The following CERK variants were observed in gnomAD, a reference collection of about 807,000 sequenced individuals.
The protein encoded by CERK is ceramide kinase, also known as acylsphingosine kinase.
CERK carries 39 observed loss-of-function variants against 63.4 expected under a neutral mutation model. The observed-to-expected ratio is 0.61, with a 90% confidence interval of 0.48 to 0.80. The LOEUF (loss-of-function observed/expected upper bound fraction) is 0.80. Ranked by LOEUF, CERK falls within the 30% of genes least tolerant of loss-of-function variation. The probability of loss-of-function intolerance (pLI) is 0.00; values close to 1 mark genes in which losing one functional copy is unlikely to be tolerated. For synonymous variants in CERK, 302 were observed against 280.0 expected (o/e 1.08, Z -0.78); for missense variants, 670 against 714.1 (o/e 0.94, Z 0.70).
At chr22:46,707,793 T>C (rs1270796212) in intron 6 of CERK, 50 bp downstream of exon 6, 2 of 1,560,956 alleles carry the variant, frequency 1.3e-6, no homozygotes, top group Non-Finnish European at 1.7e-6. Flanking sequence ...GCAGAACAAT[T>C]CCTAAGGACG....
rs1373479343 is a variant in CERK at position 46,693,611 on chromosome 22, C to T, written c.1050-108G>A. 6.4e-6 allele frequency: 6 copies of T among 933,060 alleles called. 1 individual carries two copies. In the East Asian group the frequency reaches 1.5e-4, roughly 24 times the overall value. The allele number at this position is 933,060 out of a possible 1,614,324, so 57.8% of individuals were successfully genotyped here. On this transcript the variant is annotated intron_variant, in intron 9 of 12. Transcript: ENST00000216264. ...ATTCTTTTCACATACGAAAAAATTC[C>T]ATTTCAAAGGCTTAACAAAATATTT...
intron 9 of CERK, 179 bp from the exon 10 acceptor site, chr22:46,693,682 AT>A (rs1212409628): frequency 2.3e-5 from 13 of 561,724 alleles, no homozygotes; most frequent in African/African-American, 2.3e-4. Context: ...TACTTTTACA[AT>A]GACACATTCA....
Position 46,691,599 on chromosome 22 carries a change from G to A in CERK, c.1305C>T (p.Leu435=), listed in dbSNP as rs747768593. 2 of 1,613,932 alleles carry A rather than the reference G, an allele frequency of 1.2e-6. No homozygotes were observed. The highest frequency in any genetic ancestry group is 1.7e-6 in the Non-Finnish European group (2 of 1,180,018). The change falls in exon 11 of 13, where the codon CTC becomes CTT. Residue 435 remains leucine (L), a synonymous_variant. Coordinates refer to ENST00000216264, the MANE Select transcript of CERK (RefSeq NM_022766.6). ...KCSRFNFLRF[L]IRHTNQQDQF... ...GGTCCTGCTGGTTGGTGTGCCTGAT[G>A]AGAAATCTCAGAAAATTGAACCTGG...
intron 11 of CERK, among the ~76,000 whole-genome samples, chr22:46,691,193 G>A (rs189925430): frequency 1.3e-5 from 2 of 152,198 alleles, no homozygotes; most frequent in African/African-American, 4.8e-5. Flanking sequence ...TCATGCTTCA[G>A]CCTCCCGAGT....
Position 46,690,199 on chromosome 22 carries a change from A to G in CERK, c.1334T>C (p.Phe445Ser). 6.2e-7 allele frequency: 1 copy of G among 1,613,728 alleles called. No individual in the cohort carries two copies. The highest frequency in any genetic ancestry group is 8.5e-7 in the Non-Finnish European group (1 of 1,179,864). Reference protein sequence around the residue: ...LIRHTNQQDQFDFTFVEVYRV... With the variant: ...LIRHTNQQDQSDFTFVEVYRV... Reference sequence around the variant, plus strand: ...ATAAACTTCAACAAAAGTGAAGTCAAACTACCAAGAAACAGTGAGAGGGAC... The same window carrying G: ...ATAAACTTCAACAAAAGTGAAGTCAGACTACCAAGAAACAGTGAGAGGGAC... The change falls in exon 12 of 13, where the codon TTT (phenylalanine) becomes TCT (serine). Residue 445 changes from phenylalanine (F) to serine (S), a missense_variant and splice_region_variant. Transcript: ENST00000216264.
At chr22:46,734,082 A>G (rs2082960191) in intron 1 of CERK, among the ~76,000 whole-genome samples, 1 of 150,428 alleles carries the variant, frequency 6.6e-6, no homozygotes, top group Non-Finnish European at 1.5e-5. Context: ...ATATATATAT[A>G]TATATACATT....
intron 12 of CERK, among the ~76,000 whole-genome samples, chr22:46,688,968 G>A (rs1195419083): frequency 5.3e-5 from 8 of 152,240 alleles, no homozygotes; most frequent in Admixed American, 3.3e-4. Flanking sequence ...TTTCCATGGA[G>A]AAACAATTTT....
intron 1 of CERK, among the ~76,000 whole-genome samples, chr22:46,721,331 C>T (rs1471327164): frequency 1.3e-5 from 2 of 151,976 alleles, no homozygotes; most frequent in South Asian, 2.1e-4. Flanking sequence ...CTCACGCTGT[C>T]GCCCAGGCTG....
At chr22:46,728,003 G>A (rs2146591397) in intron 1 of CERK, among the ~76,000 whole-genome samples, 1 of 152,332 alleles carries the variant, frequency 6.6e-6, no homozygotes, top group East Asian at 1.9e-4. Flanking sequence ...ACAGGACTTT[G>A]CTTTTCCTGT....
At chr22:46,696,771 C>T (rs1217927719) in intron 8 of CERK, among the ~76,000 whole-genome samples, 1 of 152,190 alleles carries the variant, frequency 6.6e-6, no homozygotes, top group Non-Finnish European at 1.5e-5. Context: ...CGTCTCCTGC[C>T]TCGGGGCTCT....
At chr22:46,719,160 G>A (rs2082880151) in intron 3 of CERK, among the ~76,000 whole-genome samples, 1 of 151,510 alleles carries the variant, frequency 6.6e-6, no homozygotes, top group African/African-American at 2.4e-5. Flanking sequence ...GTGTGTGTGT[G>A]TGTGTGTGTG....
intron 6 of CERK, among the ~76,000 whole-genome samples, chr22:46,705,389 G>A (rs963237144): frequency 3.9e-5 from 6 of 152,302 alleles, no homozygotes; most frequent in East Asian, 3.9e-4. Flanking sequence ...GAATCGGAAC[G>A]GGCTGGGTCC....
At chr22:46,706,096 G>C (rs2082811486) in intron 6 of CERK, among the ~76,000 whole-genome samples, 2 of 152,262 alleles carry the variant, frequency 1.3e-5, no homozygotes, top group Non-Finnish European at 2.9e-5. Flanking sequence ...TGGAGCGTGT[G>C]AGTGTGCTGA....
chr22:46,692,627 G>C (rs1212079763), intron 10 of CERK, among the ~76,000 whole-genome samples: 1 of 151,506 alleles, frequency 6.6e-6, no homozygotes, highest in Non-Finnish European at 1.5e-5. Flanking sequence ...ATTATTGACT[G>C]GGCATGGTGG....
intron 1 of CERK, among the ~76,000 whole-genome samples, chr22:46,723,873 CT>C (rs1569328921): frequency 6.6e-6 from 1 of 151,992 alleles, no homozygotes; most frequent in South Asian, 2.1e-4. Context: ...AACTTTTGTA[CT>C]TTTAGTAGAG....
At chr22:46,689,949 C>T (rs1335078111) in intron 12 of CERK, 43 bp downstream of exon 12, 5 of 1,504,038 alleles carry the variant, frequency 3.3e-6, no homozygotes, top group African/African-American at 1.4e-5. Context: ...CACCTCAGGG[C>T]TCAAGGGGAT....
rs2082722520 is a variant in CERK at position 46,690,077 on chromosome 22, T to C, written c.1456A>G (p.Ser486Gly). ...GKKRFGHICSSHPSCCCTVSN... is the reference protein window; with the variant it reads ...GKKRFGHICSGHPSCCCTVSN... ...ACGGTGCAGCAGCAGGAGGGGTGGC[T>C]GCTGCAAATGTGCCCAAAGCGCTTC... is the stretch of plus-strand genomic sequence containing the variant. Residue 486 changes from serine to glycine, a missense_variant, in exon 12 of 13, where the codon AGC becomes GGC. Transcript: ENST00000216264. 1 of 1,613,830 alleles carries C rather than the reference T, an allele frequency of 6.2e-7. No individual in the cohort carries two copies. The highest frequency in any genetic ancestry group is 1.3e-5 in the African/African-American group (1 of 74,884).
chr22:46,712,438 A>C (rs1569325283), intron 3 of CERK, 145 bp from the exon 4 acceptor site: 2 of 744,070 alleles, frequency 2.7e-6, no homozygotes, highest in African/African-American at 1.8e-5. Flanking sequence ...TTAAAGAACA[A>C]TGACAAAGAG....
Position 46,691,726 on chromosome 22 carries a change from G to C in CERK, c.1178C>G (p.Ala393Gly). 6 of 1,613,390 alleles carry C rather than the reference G, an allele frequency of 3.7e-6. No homozygotes were observed. The highest frequency in any genetic ancestry group is 5.1e-6 in the Non-Finnish European group (6 of 1,179,462). ...GCGACAAGCACAGGACATGTTTGTGGCATTGATGGCCAGAAACTTCCCACA... is the reference window on the plus strand; with the variant it reads ...GCGACAAGCACAGGACATGTTTGTGCCATTGATGGCCAGAAACTTCCCACA... ...VVCGKFLAIN[A>G]TNMSCACRRS... Residue 393 changes from alanine to glycine, a missense_variant, in exon 11 of 13, where the codon GCC becomes GGC. Coordinates refer to ENST00000216264, the MANE Select transcript of CERK (RefSeq NM_022766.6).
Sources: allele counts gnomAD v4.1 joint callset (sites outside exome capture counted in the v4.1 genomes callset), GRCh38; gene constraint gnomAD v4.1.1; transcripts MANE v1.5; gene names NCBI Gene and HGNC (gene_info 2026-07-23, HGNC 2026-07-21).